WDFY3: variants seen among roughly 807,000 people sequenced by gnomAD.
The protein encoded by WDFY3 is WD repeat and FYVE domain-containing protein 3.
Under a neutral mutation model 409.6 loss-of-function variants are expected in WDFY3, and 66 were observed. The ratio of observed to expected loss-of-function variants is 0.16; its 90% confidence interval spans 0.13 to 0.20. The LOEUF (loss-of-function observed/expected upper bound fraction) is 0.20. WDFY3 is among the 10% of genes least tolerant of loss of function. WDFY3 has a pLI of 1.00. For synonymous variants in WDFY3, 1,521 were observed against 1,537.1 expected (o/e 0.99, Z 0.25); for missense variants, 3,031 against 4,298.1 (o/e 0.71, Z 8.24).
intron 1 of WDFY3, among the ~76,000 whole-genome samples, chr4:84,945,832 C>T (rs534143861): frequency 6.6e-6 from 1 of 152,168 alleles, no homozygotes; most frequent in East Asian, 1.9e-4. Context: ...TTATTTAGTA[C>T]CCAAGAATGA....
intron 4 of WDFY3, among the ~76,000 whole-genome samples, chr4:84,851,709 C>G (rs910009414): frequency 6.6e-6 from 1 of 152,056 alleles, no homozygotes; most frequent in Non-Finnish European, 1.5e-5. Context: ...ATGCCTTTAG[C>G]ATGAAAAAAT....
chr4:84,747,042 A>G (rs908222569), intron 36 of WDFY3, among the ~76,000 whole-genome samples: 1 of 152,204 alleles, frequency 6.6e-6, no homozygotes, highest in Non-Finnish European at 1.5e-5. Flanking sequence ...ACTCTTTTAG[A>G]TAAGACTGGT....
chr4:84,741,951 A>G (rs1203265782), intron 37 of WDFY3, 30 bp from the exon 38 acceptor site: 1 of 1,555,646 alleles, frequency 6.4e-7, no homozygotes, highest in Non-Finnish European at 8.7e-7. Context: ...AAAGTCTAAG[A>G]AAATTGATAT....
intron 47 of WDFY3, 119 bp downstream of exon 47, chr4:84,721,290 G>A: frequency 7.3e-7 from 1 of 1,369,656 alleles, no homozygotes; most frequent in Non-Finnish European, 9.9e-7. Flanking sequence ...GGCTGCTTAA[G>A]CTGTATTTTA....
intron 16 of WDFY3, among the ~76,000 whole-genome samples, chr4:84,802,104 C>T (rs777666054): frequency 3.3e-5 from 5 of 151,956 alleles, no homozygotes; most frequent in East Asian, 1.9e-4. Context: ...CCCACCACCA[C>T]GCCCAGTTAA....
chr4:84,725,619 A>C (rs1735526452), intron 45 of WDFY3, among the ~76,000 whole-genome samples: 2 of 152,304 alleles, frequency 1.3e-5, no homozygotes, highest in South Asian at 4.1e-4. Flanking sequence ...AATCTGAAAC[A>C]TGCTTTAAAA....
chr4:84,792,533 C>T (rs189890894), intron 21 of WDFY3, among the ~76,000 whole-genome samples: 1 of 152,258 alleles, frequency 6.6e-6, no homozygotes, highest in Non-Finnish European at 1.5e-5. Context: ...GTCAGGATAT[C>T]TCAGTGAGCC....
At chr4:84,748,808 C>T (rs1560656705) in intron 36 of WDFY3, among the ~76,000 whole-genome samples, 1 of 152,030 alleles carries the variant, frequency 6.6e-6, no homozygotes, top group Non-Finnish European at 1.5e-5. Flanking sequence ...TGCTCTGGTT[C>T]ACATTTACTG....
chr4:84,756,889 A>G (rs1202526262), intron 33 of WDFY3, 37 bp downstream of exon 33: 3 of 1,581,466 alleles, frequency 1.9e-6, no homozygotes, highest in Non-Finnish European at 1.7e-6. Flanking sequence ...TCTTTGGAAT[A>G]CGTAATTTCA....
intron 4 of WDFY3, among the ~76,000 whole-genome samples, chr4:84,852,449 TAACA>T (rs1759160480): frequency 1.3e-5 from 2 of 152,204 alleles, no homozygotes; most frequent in Non-Finnish European, 2.9e-5. Context: ...TAAAAGAATA[TAACA>T]AACAATGTAA....
intron 4 of WDFY3, among the ~76,000 whole-genome samples, chr4:84,854,082 T>C (rs1443127682): frequency 6.6e-6 from 1 of 152,146 alleles, no homozygotes; most frequent in Non-Finnish European, 1.5e-5. Flanking sequence ...TGAAAGAGAA[T>C]GCCTGGGGTG....
intron 47 of WDFY3, among the ~76,000 whole-genome samples, chr4:84,719,483 A>G (rs1459787836): frequency 1.3e-5 from 2 of 152,228 alleles, no homozygotes; most frequent in Admixed American, 1.3e-4. Flanking sequence ...CACTTCCTGC[A>G]CTATTAAAGC....
intron 19 of WDFY3, among the ~76,000 whole-genome samples, chr4:84,795,339 GC>G (rs1749210893): frequency 6.6e-6 from 1 of 152,140 alleles, no homozygotes; most frequent in African/African-American, 2.4e-5. Context: ...ACCACTGATT[GC>G]TTTTGACTAT....
chr4:84,943,077 C>CAACT (rs1361853543), intron 1 of WDFY3, among the ~76,000 whole-genome samples: 1 of 152,200 alleles, frequency 6.6e-6, no homozygotes, highest in Non-Finnish European at 1.5e-5. Context: ...CCTCTTCGGC[C>CAACT]AACTCAGTGT....
intron 12 of WDFY3, among the ~76,000 whole-genome samples, chr4:84,818,082 G>GTT: frequency 6.6e-6 from 1 of 152,276 alleles, no homozygotes; most frequent in South Asian, 2.1e-4. Flanking sequence ...GACAAATTCT[G>GTT]TAACAGAAGT....
At position 84,726,765 on chromosome 4, in the gene WDFY3, G is replaced by A. The variant is rs997260599; in HGVS notation, c.7272+96C>T. The A allele has an allele frequency of 5.7e-6, 6 of 1,052,256 alleles. No homozygotes were observed. In the African/African-American group the frequency reaches 9.7e-5, roughly 17 times the overall value. 65.2% of individuals were successfully genotyped at this position (1,052,256 alleles called of 1,614,324 possible). On this transcript the variant is annotated intron_variant, in intron 45 of 67. Coordinates refer to ENST00000295888, the MANE Select transcript of WDFY3 (RefSeq NM_014991.6). ...AACAAATTGAAAGCCAATCTTTTAA[G>A]TTAGTCTAGTCTACCATGCACTTAA...
intron 3 of WDFY3, among the ~76,000 whole-genome samples, chr4:84,891,363 T>C (rs1764922436): frequency 6.6e-6 from 1 of 152,142 alleles, no homozygotes; most frequent in Non-Finnish European, 1.5e-5. Context: ...CACTTTTTAT[T>C]TTCAACCAAA....
At chr4:84,908,012 G>T (rs886132789) in intron 2 of WDFY3, among the ~76,000 whole-genome samples, 1 of 152,064 alleles carries the variant, frequency 6.6e-6, no homozygotes, top group African/African-American at 2.4e-5. Context: ...TGCAAGGAAA[G>T]TGCAGAGGAT....
rs537322201 is a variant in WDFY3, at chr4:84,716,819, A to T, written c.7875+77T>A. ...GTCTCAAAAAATAAAAATAAAAAATAAAAAATAAAATAAAATAAAACAATA... is the reference window on the plus strand; with the variant it reads ...GTCTCAAAAAATAAAAATAAAAAATTAAAAATAAAATAAAATAAAACAATA... On this transcript the variant is annotated intron_variant, in intron 49 of 67. Coordinates refer to ENST00000295888, the MANE Select transcript of WDFY3 (RefSeq NM_014991.6). 1.1e-4 allele frequency: 135 copies of T among 1,233,976 alleles called. No individual in the cohort carries two copies. The African/African-American group carries it at 1.9e-3, about 17-fold the overall frequency. The allele number at this position is 1,233,976 out of a possible 1,614,324, so 76.4% of individuals were successfully genotyped here. A position where few individuals can be genotyped will look rare whatever the true frequency, so the allele number is the denominator to read the frequency against.
Sources: gnomAD v4.1 joint callset for allele counts (sites outside exome capture counted in the v4.1 genomes callset) on GRCh38, gnomAD v4.1.1 for gene constraint, MANE v1.5 for transcripts, NCBI Gene and HGNC (gene_info 2026-07-23, HGNC 2026-07-21) for gene names.